The following CR1L variants were observed in gnomAD, a reference collection of about 807,000 sequenced individuals.
CR1L encodes the protein complement C3b/C4b receptor 1 like, also known as complement component receptor 1-like protein.
CR1L carries 59 observed loss-of-function variants against 62.3 expected under a neutral mutation model. The ratio of observed to expected loss-of-function variants is 0.95; its 90% CI spans 0.77 to 1.18. The LOEUF is 1.18. Ranked by LOEUF, CR1L falls within the 50% of genes most tolerant of loss-of-function variation. CR1L has a pLI of 0.00. For synonymous variants in CR1L, 279 were observed against 248.7 expected (o/e 1.12, Z -1.15); for missense variants, 700 against 702.8 (o/e 1.00, Z 0.04).
intron 10 of CR1L, among the ~76,000 whole-genome samples, chr1:207,715,124 A>G (rs1653960438): frequency 1.3e-5 from 2 of 152,148 alleles, no homozygotes; most frequent in Non-Finnish European, 2.9e-5. Flanking sequence ...TTGGCCTTTG[A>G]GTTTCTGTCA....
At chr1:207,717,849 A>G (rs569695623) in intron 11 of CR1L, among the ~76,000 whole-genome samples, 158 bp downstream of exon 11, 3 of 152,180 alleles carry the variant, frequency 2.0e-5, no homozygotes, top group Non-Finnish European at 2.9e-5. Context: ...TGGGTTCTAG[A>G]TAGGCACACT....
At chr1:207,697,361 A>C in intron 5 of CR1L, 142 bp from the exon 6 acceptor site, 1 of 1,535,146 alleles carries the variant, frequency 6.5e-7, no homozygotes, top group Non-Finnish European at 8.8e-7. Context: ...CTGTGTATTT[A>C]GTTTGTTATC....
chr1:207,681,145 G>A (rs1663788806), intron 3 of CR1L, among the ~76,000 whole-genome samples: 2 of 152,156 alleles, frequency 1.3e-5, no homozygotes, highest in Admixed American at 1.3e-4. Context: ...CCTGGTTCAA[G>A]GCACATAGAT....
chr1:207,699,511 G>A (rs1664159709), intron 8 of CR1L, among the ~76,000 whole-genome samples: 1 of 152,126 alleles, frequency 6.6e-6, no homozygotes, highest in Non-Finnish European at 1.5e-5. Context: ...TCCTATGGTC[G>A]TGTGCTTCTA....
rs148413356 is a variant in CR1L at position 207,694,498 on chromosome 1, C to A, written c.609C>A (p.Pro203=). Residue 203 remains proline (P), a synonymous_variant, in exon 5 of 12, where the codon CCC becomes CCA. Transcript: ENST00000508064. ...AGGTGTTTGAGCTTGTGGGTGAGCC[C>A]TCCATATACTGCACCAGCAAAGATG... ...GKKVFELVGE[P]SIYCTSKDDQ... 11 of 1,613,780 alleles carry A rather than the reference C, an allele frequency of 6.8e-6. No homozygotes were observed. In the African/African-American group the frequency reaches 1.5e-4, roughly 22 times the overall value.
At chr1:207,706,869 A>G (rs540135013) in intron 9 of CR1L, among the ~76,000 whole-genome samples, 1 of 152,226 alleles carries the variant, frequency 6.6e-6, no homozygotes, top group Non-Finnish European at 1.5e-5. Context: ...ACAAAAAACC[A>G]TAAACACAAA....
At chr1:207,666,487 G>A (rs1663525433) in intron 1 of CR1L, among the ~76,000 whole-genome samples, 1 of 152,186 alleles carries the variant, frequency 6.6e-6, no homozygotes, top group Non-Finnish European at 1.5e-5. Context: ...TAAAGAAAAT[G>A]TGCTACATAT....
chr1:207,655,912 T>C (rs1222345910), intron 1 of CR1L, among the ~76,000 whole-genome samples: 1 of 152,216 alleles, frequency 6.6e-6, no homozygotes, highest in Non-Finnish European at 1.5e-5. Flanking sequence ...GGCTGTTGTG[T>C]AATCACACAA....
intron 9 of CR1L, among the ~76,000 whole-genome samples, chr1:207,706,526 C>T (rs1326962392): frequency 1.3e-5 from 2 of 152,052 alleles, no homozygotes; most frequent in Non-Finnish European, 2.9e-5. Context: ...CTAGCCATCA[C>T]TAGGGAAATT....
intron 1 of CR1L, chr1:207,658,324 G>A (rs11118280): frequency 0.48 from 71,297 of 149,852 alleles, 17,438 homozygotes; most frequent in African/African-American, 0.59. Flanking sequence ...AAATAGAGAA[G>A]ATCAATGAAA....
chr1:207,710,426 A>C (rs1164371193), intron 10 of CR1L: 1 of 1,573,056 alleles, frequency 6.4e-7, no homozygotes, highest in Non-Finnish European at 8.7e-7. Flanking sequence ...TGGATATTTC[A>C]TTAGCACCGA....
In CR1L at chr1:207,697,760, T is replaced by C. The variant is rs1329358844; in HGVS notation, c.1040-11T>C. 4 of 1,614,010 alleles carry C rather than the reference T, an allele frequency of 2.5e-6. No individual in the cohort carries two copies. Among genetic ancestry groups the C allele is most frequent in the South Asian group, 1.1e-5 (1 of 91,080 alleles). On this transcript the variant is annotated splice_polypyrimidine_tract_variant and intron_variant, in intron 6 of 11. Transcript: ENST00000508064. ...TGCCAGTTATTTCTGTTCGTTTTTCTTTTTTTCCAGTGAAATCCTGTGATG... is the reference window on the plus strand; with the variant it reads ...TGCCAGTTATTTCTGTTCGTTTTTCCTTTTTTCCAGTGAAATCCTGTGATG...
chr1:207,694,516 C>G lies in CR1L; in HGVS notation c.627C>G (p.Ser209Arg). 5 of 1,613,488 alleles carry G rather than the reference C, an allele frequency of 3.1e-6. No homozygotes were observed. The highest frequency in any genetic ancestry group is 4.2e-6 in the Non-Finnish European group (5 of 1,179,852). Residue 209 changes from serine to arginine, a missense_variant, in exon 5 of 12, where the codon AGC (serine) becomes AGG (arginine). Physicochemically the swap from Ser to Arg is moderately radical, Grantham distance 110. Coordinates refer to ENST00000508064, the MANE Select transcript of CR1L (RefSeq NM_175710.2). ...GTGAGCCCTCCATATACTGCACCAG[C>G]AAAGATGATCAAGTGGGCATCTGGA... ...LVGEPSIYCT[S>R]KDDQVGIWSG... is the part of the protein sequence containing the mutation.
intron 4 of CR1L, among the ~76,000 whole-genome samples, chr1:207,689,145 G>A (rs1489780690): frequency 6.6e-6 from 1 of 152,036 alleles, no homozygotes; most frequent in Non-Finnish European, 1.5e-5. Flanking sequence ...TTAGATTAAG[G>A]AAACTCCCCT....
Position 207,699,259 on chromosome 1 carries a change from G to T in CR1L, c.1213G>T (p.Val405Phe), listed in dbSNP as rs1167101883. The T allele has an allele frequency of 6.2e-7, 1 of 1,613,606 alleles. No homozygotes were observed. The highest frequency in any genetic ancestry group is 8.5e-7 in the Non-Finnish European group (1 of 1,179,652). The change falls in exon 8 of 12, where the codon GTT becomes TTT. Residue 405 changes from valine (V) to phenylalanine (F), a missense_variant. Transcript: ENST00000508064. ...AATGGAAAGCCTTTGGAATAGCAGTGTTCCAGTGTGTGAACGTAAGTAATA... is the reference window on the plus strand; with the variant it reads ...AATGGAAAGCCTTTGGAATAGCAGTTTTCCAGTGTGTGAACGTAAGTAATA... ...AGMESLWNSS[V>F]PVCERKSCET... is the part of the protein sequence containing the mutation.
At chr1:207,697,392 C>G in intron 5 of CR1L, 111 bp from the exon 6 acceptor site, 3 of 1,595,478 alleles carry the variant, frequency 1.9e-6, no homozygotes, top group Non-Finnish European at 1.7e-6. Context: ...GGCTGTTATT[C>G]TACCTTTTTT....
intron 4 of CR1L, among the ~76,000 whole-genome samples, chr1:207,685,634 A>G (rs1663888297): frequency 6.6e-6 from 1 of 152,200 alleles, no homozygotes; most frequent in Non-Finnish European, 1.5e-5. Flanking sequence ...TTGGTCCCCA[A>G]GTGAATTCAG....
At chr1:207,708,326 T>A (rs1387779464) in intron 10 of CR1L, 63 bp downstream of exon 10, 16 of 1,571,422 alleles carry the variant, frequency 1.0e-5, no homozygotes, top group Middle Eastern at 2.3e-4. Flanking sequence ...CCTCCTAGAA[T>A]TACAAAGAAT....
intron 3 of CR1L, among the ~76,000 whole-genome samples, chr1:207,678,788 G>GCC (rs967007495): frequency 3.3e-5 from 5 of 152,086 alleles, no homozygotes; most frequent in African/African-American, 1.2e-4. Flanking sequence ...TATTGGCAGA[G>GCC]CCAGAGCCAG....
Sources: gnomAD v4.1 joint callset for allele counts (sites outside exome capture counted in the v4.1 genomes callset) on GRCh38, gnomAD v4.1.1 for gene constraint, MANE v1.5 for transcripts, NCBI Gene and HGNC (gene_info 2026-07-23, HGNC 2026-07-21) for gene names.